Variants in TBC1D5 observed in about 807,000 individuals in gnomAD.
The protein encoded by TBC1D5 is TBC1 domain family, member 5.
Under a neutral mutation model 100.3 loss-of-function variants are expected in TBC1D5, and 75 were observed. That is an observed-to-expected ratio of 0.75 (90% CI 0.62 to 0.91). TBC1D5 has a LOEUF of 0.91. Ranked by LOEUF, TBC1D5 falls within the 40% of genes least tolerant of loss-of-function variation. TBC1D5 has a pLI of 0.00. For missense variants in TBC1D5, 910 were observed against 942.4 expected, an observed-to-expected ratio of 0.97 and a Z score of 0.45; for synonymous variants, 323 against 325.6, an observed-to-expected ratio of 0.99 and a Z score of 0.09.
intron 17 of TBC1D5, among the ~76,000 whole-genome samples, chr3:17,214,886 G>A (rs2073438122): frequency 6.6e-6 from 1 of 152,104 alleles, no homozygotes; most frequent in Admixed American, 6.6e-5. Context: ...CCTGAAGAAG[G>A]TGAAGTACCC....
chr3:17,630,010 C>T (rs905151354), intron 1 of TBC1D5, among the ~76,000 whole-genome samples: 1 of 152,108 alleles, frequency 6.6e-6, no homozygotes, highest in Admixed American at 6.6e-5. Context: ...AGGAACTGTA[C>T]CAAGAAAACT....
intron 18 of TBC1D5, among the ~76,000 whole-genome samples, chr3:17,197,601 G>A (rs1421230530): frequency 1.3e-5 from 2 of 151,996 alleles, no homozygotes; most frequent in African/African-American, 2.4e-5. Flanking sequence ...TGAACTCCTG[G>A]CCTCAAGCAA....
chr3:17,601,799 T>G (rs1373586216), intron 2 of TBC1D5, among the ~76,000 whole-genome samples: 2 of 152,208 alleles, frequency 1.3e-5, no homozygotes, highest in Non-Finnish European at 2.9e-5. Flanking sequence ...AACTAACTTA[T>G]TTAATATCAC....
chr3:17,483,829 G>C (rs956569378), intron 3 of TBC1D5, among the ~76,000 whole-genome samples: 2 of 152,134 alleles, frequency 1.3e-5, no homozygotes, highest in African/African-American at 4.8e-5. Flanking sequence ...AAAGTAGTAT[G>C]CCTGACAGCT....
At chr3:17,254,019 T>G (rs2077406496) in intron 16 of TBC1D5, among the ~76,000 whole-genome samples, 2 of 152,208 alleles carry the variant, frequency 1.3e-5, no homozygotes. Context: ...CTGGAACCAA[T>G]TCCCCCAGGA....
intron 13 of TBC1D5, among the ~76,000 whole-genome samples, chr3:17,370,094 TA>T (rs1332794380): frequency 6.6e-6 from 1 of 152,110 alleles, no homozygotes; most frequent in Non-Finnish European, 1.5e-5. Context: ...ATTATTCTGA[TA>T]AAGATGAAAC....
At chr3:17,255,670 T>G (rs977502510) in intron 16 of TBC1D5, among the ~76,000 whole-genome samples, 2 of 152,254 alleles carry the variant, frequency 1.3e-5, no homozygotes, top group Non-Finnish European at 2.9e-5. Context: ...AATCCATTAG[T>G]TGTTCCTTTG....
intron 2 of TBC1D5, among the ~76,000 whole-genome samples, chr3:17,583,198 T>C (rs1438812818): frequency 2.6e-5 from 4 of 152,076 alleles, no homozygotes; most frequent in Non-Finnish European, 4.4e-5. Flanking sequence ...GGTAAGAGGA[T>C]TGCTCGTGCC....
chr3:17,360,541 T>TTG (rs2091612101), intron 13 of TBC1D5, among the ~76,000 whole-genome samples: 1 of 151,982 alleles, frequency 6.6e-6, no homozygotes, highest in African/African-American at 2.4e-5. Flanking sequence ...GCCTATCAGT[T>TTG]TTCAGCGCAT....
chr3:17,236,485 C>T (rs1043774374), intron 17 of TBC1D5, among the ~76,000 whole-genome samples: 7 of 150,870 alleles, frequency 4.6e-5, no homozygotes, highest in African/African-American at 7.4e-5. Context: ...TAATTTTCAA[C>T]GAGATTTTTT....
intron 13 of TBC1D5, among the ~76,000 whole-genome samples, chr3:17,319,946 G>A (rs1414145971): frequency 3.3e-5 from 5 of 152,098 alleles, no homozygotes; most frequent in Admixed American, 6.5e-5. Context: ...AATGAAGATC[G>A]TTCCAAATAA....
chr3:17,445,840 T>G (rs2094779181), intron 3 of TBC1D5, among the ~76,000 whole-genome samples: 1 of 152,184 alleles, frequency 6.6e-6, no homozygotes, highest in African/African-American at 2.4e-5. Context: ...TTGGACCATA[T>G]TCGCCACAGA....
At chr3:17,532,891 AGGAGTTAATG>A (rs2096245337) in intron 2 of TBC1D5, among the ~76,000 whole-genome samples, 1 of 152,094 alleles carries the variant, frequency 6.6e-6, no homozygotes, top group African/African-American at 2.4e-5. Flanking sequence ...ATACTAAATG[AGGAGTTAATG>A]GGTGCAGCCC....
intron 1 of TBC1D5, among the ~76,000 whole-genome samples, chr3:17,641,084 A>T (rs1322468653): frequency 6.6e-6 from 1 of 152,172 alleles, no homozygotes. Flanking sequence ...CGTACGTAAT[A>T]TACTTTATGC....
At chr3:17,408,496 T>C (rs1052582004) in intron 4 of TBC1D5, among the ~76,000 whole-genome samples, 1 of 152,022 alleles carries the variant, frequency 6.6e-6, no homozygotes, top group Non-Finnish European at 1.5e-5. Flanking sequence ...GCTACTTTTG[T>C]AACTTTTTGT....
At chr3:17,728,081 A>G (rs1447385947) in intron 1 of TBC1D5, among the ~76,000 whole-genome samples, 1 of 152,212 alleles carries the variant, frequency 6.6e-6, no homozygotes, top group Non-Finnish European at 1.5e-5. Context: ...GATAACAGTC[A>G]ACATCCACAC....
At chr3:17,340,132 G>T (rs2088632351) in intron 13 of TBC1D5, among the ~76,000 whole-genome samples, 1 of 152,066 alleles carries the variant, frequency 6.6e-6, no homozygotes, top group Non-Finnish European at 1.5e-5. Context: ...GGAAGTGACG[G>T]GTACTGGGGG....
intron 13 of TBC1D5, among the ~76,000 whole-genome samples, chr3:17,328,048 T>C (rs1250356687): frequency 6.6e-6 from 1 of 152,126 alleles, no homozygotes; most frequent in Non-Finnish European, 1.5e-5. Context: ...GATGGGGGGA[T>C]AGCTTAAGGC....
intron 2 of TBC1D5, among the ~76,000 whole-genome samples, chr3:17,547,535 G>T (rs776577542): frequency 1.3e-5 from 2 of 152,178 alleles, no homozygotes; most frequent in Non-Finnish European, 1.5e-5. Flanking sequence ...TAATTTAGCA[G>T]AATGTTCCCA....
Sources: allele counts gnomAD v4.1 joint callset (sites outside exome capture counted in the v4.1 genomes callset), GRCh38; gene constraint gnomAD v4.1.1; transcripts MANE v1.5; gene names NCBI Gene and HGNC (gene_info 2026-07-23, HGNC 2026-07-21).